KIT: variants seen among roughly 807,000 people sequenced by gnomAD.
The protein encoded by KIT is mast/stem cell growth factor receptor Kit.
In KIT, 16 loss-of-function variants were observed where a neutral mutation model predicts 105.7. The ratio of observed to expected loss-of-function variants is 0.15; its 90% CI spans 0.10 to 0.23. The LOEUF is 0.23. Among genes scored for constraint, KIT ranks in the 10% least tolerant of loss-of-function variants. KIT has a pLI of 1.00. For missense variants in KIT, 858 were observed against 1,213.8 expected, an observed-to-expected ratio of 0.71 and a Z score of 4.36; for synonymous variants, 438 against 441.1, an observed-to-expected ratio of 0.99 and a Z score of 0.09.
At chr4:54,722,969 A>C (rs1560413953) in intron 7 of KIT, among the ~76,000 whole-genome samples, 1 of 150,820 alleles carries the variant, frequency 6.6e-6, no homozygotes, top group Non-Finnish European at 1.5e-5. Context: ...TTCTGTTCAT[A>C]TTTTGCATTT....
intron 1 of KIT, among the ~76,000 whole-genome samples, chr4:54,690,490 G>A (rs1719634540): frequency 6.6e-6 from 1 of 152,216 alleles, no homozygotes; most frequent in Admixed American, 6.5e-5. Flanking sequence ...CTAGCTTAAA[G>A]CCGTCATTCC....
chr4:54,721,927 T>G (rs1443931154), intron 7 of KIT, among the ~76,000 whole-genome samples: 1 of 152,170 alleles, frequency 6.6e-6, no homozygotes, highest in East Asian at 1.9e-4. Context: ...TTCACTTCAT[T>G]TGTAGTGAAA....
intron 1 of KIT, among the ~76,000 whole-genome samples, chr4:54,694,254 C>T (rs1464332868): frequency 1.3e-5 from 2 of 152,076 alleles, no homozygotes; most frequent in Non-Finnish European, 2.9e-5. Flanking sequence ...TCCTCCTCCT[C>T]CTCCTTTGCC....
At chr4:54,700,344 G>A (rs1720376762) in intron 4 of KIT, among the ~76,000 whole-genome samples, 1 of 152,162 alleles carries the variant, frequency 6.6e-6, no homozygotes, top group South Asian at 2.1e-4. Flanking sequence ...TAATAAAACT[G>A]TTATCCTTAA....
rs980655557 is a variant in KIT at position 54,740,137 on chromosome 4, A to G, written c.*1580A>G. On this transcript the variant is annotated 3_prime_UTR_variant, in exon 21 of 21. Coordinates refer to ENST00000288135, the MANE Select transcript of KIT (RefSeq NM_000222.3). Reference sequence around the variant, plus strand: ...TGAAAGATTCAGGTATGTTGCCTTTATGGTTTCCCCCTTCTACATTTCTTA... The same window carrying G: ...TGAAAGATTCAGGTATGTTGCCTTTGTGGTTTCCCCCTTCTACATTTCTTA... The G allele has an allele frequency of 1.3e-5, 3 of 233,550 alleles. No homozygotes were observed. Among genetic ancestry groups the G allele is most frequent in the African/African-American group, 6.6e-5 (3 of 45,358 alleles). The allele number at this position is 233,550 out of a possible 1,614,324, so 14.5% of individuals were successfully genotyped here.
At chr4:54,672,465 C>G (rs1229170940) in intron 1 of KIT, among the ~76,000 whole-genome samples, 2 of 152,038 alleles carry the variant, frequency 1.3e-5, no homozygotes, top group African/African-American at 4.8e-5. Flanking sequence ...CTATAATACC[C>G]TTGTCTGCTG....
In KIT at chr4:54,725,265, C is replaced by G. The variant is rs371614243; in HGVS notation, c.1347-592C>G. ...GATTACAGGCGCCTGCCACCACGCC[C>G]AGCTAATTTTTGTATTTTTAGTAGA... On this transcript the variant is annotated intron_variant, in intron 8 of 20. Transcript: ENST00000288135. 2.1e-4 allele frequency among the ~76,000 whole-genome samples: 32 copies of G among 152,172 alleles called. No homozygotes were observed. The South Asian group carries it at 6.0e-3, about 29-fold the overall frequency.
In KIT at chr4:54,707,786, T is replaced by C. The variant is rs552266042; in HGVS notation, c.1115+499T>C. On this transcript the variant is annotated intron_variant, in intron 6 of 20. Coordinates refer to ENST00000288135, the MANE Select transcript of KIT (RefSeq NM_000222.3). Reference sequence around the variant, plus strand: ...TACTTCAGGTAAGACATAAGTGCTTTTTTTCTGAAGCATGGTTCTAAGTAC... The same window carrying C: ...TACTTCAGGTAAGACATAAGTGCTTCTTTTCTGAAGCATGGTTCTAAGTAC... 3.9e-5 allele frequency among the ~76,000 whole-genome samples: 6 copies of C among 152,342 alleles called. No homozygotes were observed. The South Asian group carries it at 1.2e-3, about 32-fold the overall frequency.
chr4:54,733,376 T>C (rs954867956), intron 17 of KIT, 184 bp downstream of exon 17: 31 of 579,132 alleles, frequency 5.4e-5, no homozygotes, highest in African/African-American at 5.0e-4. Flanking sequence ...ACAACTAACA[T>C]TCAATAATAG....
chr4:54,714,696 G>A (rs1721355944), intron 7 of KIT, among the ~76,000 whole-genome samples: 1 of 152,172 alleles, frequency 6.6e-6, no homozygotes, highest in Admixed American at 6.5e-5. Flanking sequence ...TGATCTGGTA[G>A]CATTTCCAGG....
At chr4:54,709,917 C>T (rs1320315338) in intron 7 of KIT, among the ~76,000 whole-genome samples, 2 of 152,196 alleles carry the variant, frequency 1.3e-5, no homozygotes, top group Non-Finnish European at 2.9e-5. Flanking sequence ...TGCTATCGAG[C>T]CCTGACGTGA....
In KIT at chr4:54,729,373, G is replaced by A. The variant is rs752221484; in HGVS notation, c.2029G>A (p.Asp677Asn). 1 of 1,613,688 alleles carries A rather than the reference G, an allele frequency of 6.2e-7. No homozygotes were observed. Reference sequence around the variant, plus strand: ...CATTACAGAATATTGTTGCTATGGTGATCTTTTGAATTTTTTGAGAAGAAA... The same window carrying A: ...CATTACAGAATATTGTTGCTATGGTAATCTTTTGAATTTTTTGAGAAGAAA... ...LVITEYCCYG[D>N]LLNFLRRKRD... The change falls in exon 14 of 21, where the codon GAT becomes AAT. Residue 677 changes from aspartate to asparagine, a missense_variant. Asp to Asn is a conservative substitution (Grantham distance 23). Transcript: ENST00000288135.
intron 1 of KIT, among the ~76,000 whole-genome samples, chr4:54,680,591 C>T (rs1241116264): frequency 2.0e-5 from 3 of 151,850 alleles, no homozygotes; most frequent in Non-Finnish European, 4.4e-5. Flanking sequence ...TGAGGTTTCA[C>T]GGTGTTGGGC....
At chr4:54,708,113 C>T (rs1487765106) in intron 6 of KIT, among the ~76,000 whole-genome samples, 2 of 152,024 alleles carry the variant, frequency 1.3e-5, no homozygotes, top group African/African-American at 4.8e-5. Context: ...GCAGGAGAGG[C>T]AGGGAGGAGT....
At chr4:54,707,526 T>C (rs1401984525) in intron 6 of KIT, among the ~76,000 whole-genome samples, 1 of 152,180 alleles carries the variant, frequency 6.6e-6, no homozygotes, top group Non-Finnish European at 1.5e-5. Context: ...ACTTGTAAAA[T>C]GGAGGACAGT....
chr4:54,662,998 A>G (rs1293429834), intron 1 of KIT, among the ~76,000 whole-genome samples: 5 of 139,660 alleles, frequency 3.6e-5, no homozygotes, highest in African/African-American at 9.8e-5. Context: ...AGGGGGGAAA[A>G]AAAAAAACTA....
At chr4:54,722,100 C>T (rs1015499641) in intron 7 of KIT, among the ~76,000 whole-genome samples, 2 of 152,118 alleles carry the variant, frequency 1.3e-5, no homozygotes, top group Non-Finnish European at 2.9e-5. Flanking sequence ...ATCCTCCTGC[C>T]TCAGCCTACC....
At chr4:54,714,297 A>G (rs1301773087) in intron 7 of KIT, among the ~76,000 whole-genome samples, 1 of 152,198 alleles carries the variant, frequency 6.6e-6, no homozygotes, top group Non-Finnish European at 1.5e-5. Context: ...CCAAGATGCT[A>G]TGGGTAGCTT....
At position 54,695,788 on chromosome 4, in the gene KIT, G is replaced by T. The variant is rs1720025665; in HGVS notation, c.337+7G>T. Reference sequence around the variant, plus strand: ...ATTTATGTGTTTGTTAGAGGTAAATGCTTGGCTTTCTGCAGTGCTGTGCTT... The same window carrying T: ...ATTTATGTGTTTGTTAGAGGTAAATTCTTGGCTTTCTGCAGTGCTGTGCTT... On this transcript the variant is annotated splice_region_variant and intron_variant, in intron 2 of 20. Coordinates refer to ENST00000288135, the MANE Select transcript of KIT (RefSeq NM_000222.3). 1.2e-6 allele frequency: 2 copies of T among 1,614,184 alleles called. No individual in the cohort carries two copies. Among genetic ancestry groups the T allele is most frequent in the Non-Finnish European group, 1.7e-6 (2 of 1,180,030 alleles).
Sources: gnomAD v4.1 joint callset for allele counts (sites outside exome capture counted in the v4.1 genomes callset) on GRCh38, gnomAD v4.1.1 for gene constraint, MANE v1.5 for transcripts, NCBI Gene and HGNC (gene_info 2026-07-23, HGNC 2026-07-21) for gene names.